SLC4A1: variants seen among roughly 807,000 people sequenced by gnomAD.
SLC4A1 encodes the protein solute carrier family 4 member 1 (Diego blood group).
In SLC4A1, 29 loss-of-function variants were observed where a neutral mutation model predicts 93.1. The observed-to-expected ratio is 0.31, with a 90% CI of 0.23 to 0.42. SLC4A1 has a LOEUF of 0.42. SLC4A1 is among the 20% of genes least tolerant of loss of function. The pLI, the probability that SLC4A1 is intolerant of heterozygous loss-of-function variation, is 1.00. For missense variants in SLC4A1, 965 were observed against 1,190.1 expected (o/e 0.81, Z 2.78); for synonymous variants, 469 against 497.2 (o/e 0.94, Z 0.76).
At chr17:44,263,075 G>T in intron 1 of SLC4A1, 141 bp from the exon 2 acceptor site, 1 of 717,154 alleles carries the variant, frequency 1.4e-6, no homozygotes, top group Non-Finnish European at 2.4e-6. Context: ...TGGAGGGAAA[G>T]GGAGAACGAG....
intron 1 of SLC4A1, 69 bp from the exon 2 acceptor site, chr17:44,263,003 G>A (rs1019551333): frequency 7.6e-7 from 1 of 1,319,628 alleles, no homozygotes; most frequent in Non-Finnish European, 1.1e-6. Flanking sequence ...CCTCCAGAGG[G>A]GGCCACATGT....
intron 1 of SLC4A1, among the ~76,000 whole-genome samples, chr17:44,264,683 C>T (rs45518234): frequency 1.3e-5 from 2 of 152,148 alleles, no homozygotes; most frequent in Non-Finnish European, 2.9e-5. Context: ...GGGGTTGGGG[C>T]TCTGAGACTG....
rs760398233 is a variant in SLC4A1 at position 44,251,349 on chromosome 17, G to A, written c.2482-17C>T. ...GGTCTTCACCTGCAGGCGGAGGCTG[G>A]GGTCAGTGCCTATCACACCCCAGCA... On this transcript the variant is annotated splice_polypyrimidine_tract_variant and intron_variant, in intron 18 of 19. Transcript: ENST00000262418. The A allele has an allele frequency of 6.2e-7, 1 of 1,614,188 alleles. No homozygotes were observed. Among genetic ancestry groups the A allele is most frequent in the South Asian group, 1.1e-5 (1 of 91,082 alleles).
At chr17:44,265,850 G>A (rs933518639) in intron 1 of SLC4A1, among the ~76,000 whole-genome samples, 7 of 151,962 alleles carry the variant, frequency 4.6e-5, no homozygotes, top group East Asian at 1.9e-4. Flanking sequence ...GCGTGGTGGC[G>A]CATGCCTGTA....
Position 44,249,284 on chromosome 17 carries a change from G to C in SLC4A1, c.*1174C>G. On this transcript the variant is annotated 3_prime_UTR_variant, in exon 20 of 20. Coordinates refer to ENST00000262418, the MANE Select transcript of SLC4A1 (RefSeq NM_000342.4). Reference sequence around the variant, plus strand: ...ATAAATTTGCCCATGTTCTTGGAGAGCCTGCTGTCTCCTACCCCAATTGGT... The same window carrying C: ...ATAAATTTGCCCATGTTCTTGGAGACCCTGCTGTCTCCTACCCCAATTGGT... 2.3e-6 allele frequency: 1 copy of C among 426,386 alleles called. No homozygotes were observed. The allele number at this position is 426,386 out of a possible 1,614,324, so 26.4% of individuals were successfully genotyped here.
chr17:44,265,221 C>CCG (rs1412111686), intron 1 of SLC4A1, among the ~76,000 whole-genome samples: 5 of 152,004 alleles, frequency 3.3e-5, no homozygotes, highest in African/African-American at 1.2e-4. Flanking sequence ...AGGGCAGCCT[C>CCG]AGTGCTTCCG....
In SLC4A1 at chr17:44,258,609, A is replaced by T; in HGVS notation, c.891T>A (p.Asp297Glu). 1.9e-6 allele frequency: 3 copies of T among 1,601,518 alleles called. No individual in the cohort carries two copies. Among genetic ancestry groups the T allele is most frequent in the Non-Finnish European group, 2.6e-6 (3 of 1,174,744 alleles). ...CCCCTCGGCTCTGAGCCATGTAGGC[A>T]TCTATGCGGAACACCTAGGGGCAGG... ...TLMSERVFRI[D>E]AYMAQSRGEL... Residue 297 changes from aspartate to glutamate, a missense_variant, in exon 10 of 20, where the codon GAT becomes GAA. Around this residue, in one of 2 missense-constraint regions of SLC4A1, gnomAD observed 770 missense variants for 1,006.6 expected, o/e 0.76. Transcript: ENST00000262418. The surrounding 1 kb of genome is among the most constrained non-coding windows in gnomAD (Gnocchi z 6.1).
chr17:44,262,775 C>G (rs375536434), intron 2 of SLC4A1, 49 bp from the exon 3 acceptor site: 83 of 1,608,930 alleles, frequency 5.2e-5, no homozygotes, highest in Non-Finnish European at 6.4e-5. Flanking sequence ...TCTTCCACCC[C>G]CAACGAAGAT....
At chr17:44,251,088 C>G in intron 19 of SLC4A1, 71 bp downstream of exon 19, 1 of 1,500,726 alleles carries the variant, frequency 6.7e-7, no homozygotes, top group South Asian at 1.2e-5. Context: ...TCTGTCCTGC[C>G]TGCCCTAGTT....
Position 44,255,792 on chromosome 17 carries a change from G to A in SLC4A1, c.1681C>T (p.Pro561Ser). ...KTYNYNVLMVPKPQGPLPNTA... is the reference protein window; with the variant it reads ...KTYNYNVLMVSKPQGPLPNTA... ...TTGGGCAGGGGGCCCTGAGGTTTGG[G>A]CACCATCAACACGTTGTAGTTATAA... The change falls in exon 14 of 20, where the codon CCC (proline) becomes TCC (serine). Residue 561 changes from proline (P) to serine (S), a missense_variant. Coordinates refer to ENST00000262418, the MANE Select transcript of SLC4A1 (RefSeq NM_000342.4). 6.2e-7 allele frequency: 1 copy of A among 1,614,106 alleles called. No homozygotes were observed. Among genetic ancestry groups the A allele is most frequent in the South Asian group, 1.1e-5 (1 of 91,078 alleles).
chr17:44,258,778 C>T lies in SLC4A1; in HGVS notation c.877-155G>A, dbSNP rs932900701. Among the ~76,000 whole-genome samples the T allele has an allele frequency of 6.6e-6, 1 of 152,118 alleles. No homozygotes were observed. The highest frequency in any genetic ancestry group is 6.5e-5 in the Admixed American group (1 of 15,278). On this transcript the variant is annotated intron_variant, in intron 9 of 19. Transcript: ENST00000262418. This position sits in a 1 kb window ranked among gnomAD's most constrained non-coding sequence, Gnocchi z 6.1. Reference sequence around the variant, plus strand: ...CTGCCCGCTCCCACCCCTACTCTCCCCACTAAGAAAGAGCTCTGGGGAGAC... The same window carrying T: ...CTGCCCGCTCCCACCCCTACTCTCCTCACTAAGAAAGAGCTCTGGGGAGAC...
At position 44,251,310 on chromosome 17, in the gene SLC4A1, A is replaced by G; in HGVS notation, c.2504T>C (p.Leu835Ser). 1 of 1,614,220 alleles carries G rather than the reference A, an allele frequency of 6.2e-7. No individual in the cohort carries two copies. The highest frequency in any genetic ancestry group is 8.5e-7 in the Non-Finnish European group (1 of 1,180,040). The change falls in exon 19 of 20, where the codon TTA (leucine) becomes TCA (serine). Residue 835 changes from leucine (L) to serine (S), a missense_variant. By Grantham distance (145) the Leu-to-Ser change is moderately radical (BLOSUM62 -2). Coordinates refer to ENST00000262418, the MANE Select transcript of SLC4A1 (RefSeq NM_000342.4). ...GCAGATGATCTGGATGCCCGTGAAT[A>G]AGTGCATGCGCCAGGTCTTCACCTG... ...VKRVKTWRMH[L>S]FTGIQIICLA...
rs2047415655 is a variant in SLC4A1 at position 44,258,992 on chromosome 17, C to A, written c.876+171G>T. Reference sequence around the variant, plus strand: ...CAGACGAGACCAGGCCAGAGCAGGGCCAGACTGCACGCCCCGACTGCCCCC... The same window carrying A: ...CAGACGAGACCAGGCCAGAGCAGGGACAGACTGCACGCCCCGACTGCCCCC... On this transcript the variant is annotated intron_variant, in intron 9 of 19. Coordinates refer to ENST00000262418, the MANE Select transcript of SLC4A1 (RefSeq NM_000342.4). The surrounding 1 kb of genome is among the most constrained non-coding windows in gnomAD (Gnocchi z 6.1). 6.6e-6 allele frequency among the ~76,000 whole-genome samples: 1 copy of A among 152,168 alleles called. No homozygotes were observed. Among genetic ancestry groups the A allele is most frequent in the Non-Finnish European group, 1.5e-5 (1 of 68,024 alleles).
intron 9 of SLC4A1, 93 bp downstream of exon 9, chr17:44,259,070 C>A: frequency 7.4e-7 from 1 of 1,350,860 alleles, no homozygotes; most frequent in South Asian, 1.2e-5. Context: ...AACCAGTGAA[C>A]CTAAAGTAAC....
intron 1 of SLC4A1, among the ~76,000 whole-genome samples, chr17:44,266,067 G>T (rs753116131): frequency 1.1e-4 from 16 of 152,136 alleles, no homozygotes; most frequent in Non-Finnish European, 1.8e-4. Flanking sequence ...GGTAGGGAGG[G>T]GATTACTGGA....
chr17:44,258,706 C>A lies in SLC4A1; in HGVS notation c.877-83G>T. 1.6e-5 allele frequency: 21 copies of A among 1,332,182 alleles called. No homozygotes were observed. In the South Asian group the frequency reaches 2.5e-4, roughly 16 times the overall value. 82.5% of individuals were successfully genotyped at this position (1,332,182 alleles called of 1,614,324 possible). A position where few individuals can be genotyped will look rare whatever the true frequency, so the allele number is the denominator to read the frequency against. The stretch of plus-strand genomic sequence containing the variant: ...AGTCCACAGCCAGGGCCTCCAGGAA[C>A]CAGAACCCCCTCAGGCAGCAGCTCC... On this transcript the variant is annotated intron_variant, in intron 9 of 19. Coordinates refer to ENST00000262418, the MANE Select transcript of SLC4A1 (RefSeq NM_000342.4). This position sits in a 1 kb window ranked among gnomAD's most constrained non-coding sequence, Gnocchi z 6.1.
rs201433833 is a variant in SLC4A1, at chr17:44,250,459, C to T, written c.2735G>A (p.Ter912=). The change falls in exon 20 of 20, where the codon TGA becomes TAA. Residue 912 remains the stop codon, a stop_retained_variant. Transcript: ENST00000262418. ...GGGTCTAGGGCCTGGGCCCGCCCCT[C>T]ACACAGGCATGGCCACTTCGTCGTA... ...DEYDEVAMPV[*] 103 of 1,612,942 alleles carry T rather than the reference C, an allele frequency of 6.4e-5. No individual in the cohort carries two copies. The highest frequency in any genetic ancestry group is 8.3e-5 in the Non-Finnish European group (98 of 1,179,136).
Position 44,257,557 on chromosome 17 carries a change from CAGA to C in SLC4A1, c.1432-16_1432-14del. 1 of 1,613,808 alleles carries C rather than the reference CAGA, an allele frequency of 6.2e-7. No homozygotes were observed. Among genetic ancestry groups the C allele is most frequent in the Non-Finnish European group, 8.5e-7 (1 of 1,180,012 alleles). On this transcript the variant is annotated splice_polypyrimidine_tract_variant and intron_variant, in intron 12 of 19. Coordinates refer to ENST00000262418, the MANE Select transcript of SLC4A1 (RefSeq NM_000342.4). ...TGGTCTCGCAGAACTGCAGGGTGGT[CAGA>C]AGAAGCCGGTCAGTCAAAGGGTCTT...
chr17:44,261,991 C>T, intron 3 of SLC4A1: 1 of 1,206,744 alleles, frequency 8.3e-7, no homozygotes, highest in Non-Finnish European at 1.0e-6. Context: ...CCCTCCCCTG[C>T]CACCTCTGAG....
Sources: gnomAD v4.1 joint callset for allele counts (sites outside exome capture counted in the v4.1 genomes callset) on GRCh38, gnomAD v4.1.1 for gene constraint, gnomAD v4.1.1 regional missense constraint, Gnocchi (gnomAD v3.1) non-coding constraint, MANE v1.5 for transcripts, NCBI Gene and HGNC (gene_info 2026-07-23, HGNC 2026-07-21) for gene names.